The following PPARD variants were observed in gnomAD, a reference collection of about 807,000 sequenced individuals.
PPARD encodes peroxisome proliferator activated receptor delta, also known as peroxisome proliferator-activated receptor delta.
A neutral mutation model predicts 39.5 loss-of-function variants in PPARD; 6 were observed. That is an observed-to-expected ratio of 0.15 (90% CI 0.08 to 0.30). The LOEUF (loss-of-function observed/expected upper bound fraction) is 0.30. PPARD is among the 10% of genes least tolerant of loss of function. The pLI, the probability that PPARD is intolerant of heterozygous loss-of-function variation, is 1.00. For synonymous variants in PPARD, 210 were observed against 231.3 expected (o/e 0.91, Z 0.83); for missense variants, 397 against 596.8 (o/e 0.67, Z 3.49).
intron 2 of PPARD, among the ~76,000 whole-genome samples, chr6:35,361,193 G>C (rs910037912): frequency 6.6e-6 from 1 of 152,188 alleles, no homozygotes; most frequent in Non-Finnish European, 1.5e-5. Flanking sequence ...TGGCATGGGG[G>C]TGATAACTGT....
chr6:35,402,076 A>T (rs1347474168), intron 2 of PPARD, among the ~76,000 whole-genome samples: 3 of 152,076 alleles, frequency 2.0e-5, no homozygotes, highest in Non-Finnish European at 4.4e-5. Flanking sequence ...ATCTCTCAGC[A>T]TTTTATTTGG....
Position 35,380,473 on chromosome 6 carries a change from TTTG to T in PPARD, c.-101-30511_-101-30509del, listed in dbSNP as rs1290179163. ...ATTAACCTCGTGTTTTTTTTTTTTGTTTGTTTTTTTTTTTTTTTTTTTTTTTTT... is the reference window on the plus strand; with the variant it reads ...ATTAACCTCGTGTTTTTTTTTTTTGTTTTTTTTTTTTTTTTTTTTTTTTTT... On this transcript the variant is annotated intron_variant, in intron 2 of 7. Transcript: ENST00000360694. Among the ~76,000 whole-genome samples the T allele has an allele frequency of 1.4e-3, 113 of 82,758 alleles. 2 individuals are homozygous for T. Among genetic ancestry groups the T allele is most frequent in the African/African-American group, 0.013 (88 of 6,988 alleles). 54.3% of individuals were successfully genotyped at this position (82,758 alleles called of 152,430 possible).
intron 2 of PPARD, among the ~76,000 whole-genome samples, chr6:35,368,189 CTG>C (rs1762303262): frequency 6.6e-6 from 1 of 152,240 alleles, no homozygotes; most frequent in Admixed American, 6.5e-5. Context: ...TCCAAGATCA[CTG>C]TGTCTTAGGG....
intron 5 of PPARD, among the ~76,000 whole-genome samples, chr6:35,423,454 AC>A (rs1382351315): frequency 6.8e-6 from 1 of 146,356 alleles, no homozygotes; most frequent in Non-Finnish European, 1.5e-5. Context: ...AATTGCTTGA[AC>A]CCGGGAGGCA....
chr6:35,411,859 A>G (rs569638043), intron 3 of PPARD, among the ~76,000 whole-genome samples: 1 of 152,084 alleles, frequency 6.6e-6, no homozygotes, highest in African/African-American at 2.4e-5. Flanking sequence ...TCATCATGTT[A>G]TGTTTACCTT....
At chr6:35,351,054 C>G (rs1015358329) in intron 2 of PPARD, among the ~76,000 whole-genome samples, 8 of 151,730 alleles carry the variant, frequency 5.3e-5, no homozygotes, top group Non-Finnish European at 1.2e-4. Flanking sequence ...GAGACGGAGT[C>G]TCTCTCTGTC....
intron 2 of PPARD, among the ~76,000 whole-genome samples, chr6:35,374,271 T>A (rs1178502863): frequency 1.4e-5 from 2 of 144,092 alleles, no homozygotes; most frequent in Non-Finnish European, 3.0e-5. Context: ...ATGGGAAACA[T>A]GGGTTTATTG....
intron 3 of PPARD, among the ~76,000 whole-genome samples, chr6:35,415,514 T>A (rs150023069): frequency 0.013 from 2,011 of 152,324 alleles, 16 homozygotes; most frequent in Middle Eastern, 0.027. Context: ...TCAAAGATGG[T>A]GAAACTGATA....
Position 35,425,683 on chromosome 6 carries a change from C to T in PPARD, c.1079-149C>T, listed in dbSNP as rs1164377791. ...AAGACCAGGGGTAGGGAGATTAGAA[C>T]ACCCAGTGGAGCATTGCTGATGGGA... On this transcript the variant is annotated intron_variant, in intron 7 of 7. Coordinates refer to ENST00000360694, the MANE Select transcript of PPARD (RefSeq NM_006238.5). The surrounding 1 kb of genome is among the most constrained non-coding windows in gnomAD (Gnocchi z 4.5). The T allele has an allele frequency of 8.1e-7, 1 of 1,233,240 alleles. No individual in the cohort carries two copies. The highest frequency in any genetic ancestry group is 1.5e-5 in the African/African-American group (1 of 66,080). The allele number at this position is 1,233,240 out of a possible 1,614,324, so 76.4% of individuals were successfully genotyped here.
chr6:35,388,197 A>G (rs1477447001), intron 2 of PPARD, among the ~76,000 whole-genome samples: 2 of 152,096 alleles, frequency 1.3e-5, no homozygotes, highest in African/African-American at 4.8e-5. Context: ...ACAAGGAGGA[A>G]GTGAGAGGAG....
intron 2 of PPARD, among the ~76,000 whole-genome samples, chr6:35,387,716 CTTTTTTTTTTTT>C (rs61314141): frequency 1.1e-5 from 1 of 89,358 alleles, no homozygotes; most frequent in Admixed American, 1.4e-4. Flanking sequence ...ACACTGCATT[CTTTTTTTTTTTT>C]TTTTTTTTTT....
At chr6:35,348,336 A>G in intron 2 of PPARD, 1 of 985,280 alleles carries the variant, frequency 1.0e-6, no homozygotes, top group Non-Finnish European at 1.2e-6. Context: ...GCCATAACAC[A>G]CAGAATTGTT....
intron 2 of PPARD, among the ~76,000 whole-genome samples, chr6:35,355,552 TAAA>T (rs1171537260): frequency 0.044 from 2,589 of 59,356 alleles, 129 homozygotes; most frequent in African/African-American, 0.15. Flanking sequence ...GCCCTGTCTG[TAAA>T]AAAAAAAAAA....
chr6:35,383,318 T>A (rs1273271352), intron 2 of PPARD, among the ~76,000 whole-genome samples: 2 of 152,074 alleles, frequency 1.3e-5, no homozygotes, highest in Non-Finnish European at 2.9e-5. Flanking sequence ...AATGGGTAAC[T>A]TGCGCACTCA....
intron 2 of PPARD, among the ~76,000 whole-genome samples, chr6:35,351,456 G>T (rs1387421500): frequency 6.6e-6 from 1 of 152,136 alleles, no homozygotes; most frequent in Non-Finnish European, 1.5e-5. Context: ...TTAAGTATTG[G>T]GAAGCTGTCG....
intron 2 of PPARD, among the ~76,000 whole-genome samples, chr6:35,350,887 A>G (rs1348251256): frequency 6.6e-6 from 1 of 152,110 alleles, no homozygotes; most frequent in African/African-American, 2.4e-5. Flanking sequence ...TCGGTCTCCC[A>G]AAGTGCTGGG....
At chr6:35,385,356 C>T (rs2150623447) in intron 2 of PPARD, among the ~76,000 whole-genome samples, 1 of 149,166 alleles carries the variant, frequency 6.7e-6, no homozygotes, top group South Asian at 2.2e-4. Flanking sequence ...CTCTCTGAAA[C>T]ATGTGCTGTG....
At chr6:35,394,972 G>A (rs1232004695) in intron 2 of PPARD, among the ~76,000 whole-genome samples, 1 of 152,150 alleles carries the variant, frequency 6.6e-6, no homozygotes, top group African/African-American at 2.4e-5. Flanking sequence ...CACAGAGAGG[G>A]TAGCAGGTTG....
At chr6:35,415,330 T>G (rs1240579111) in intron 3 of PPARD, among the ~76,000 whole-genome samples, 3 of 152,224 alleles carry the variant, frequency 2.0e-5, no homozygotes. Flanking sequence ...TGCTGGGTGC[T>G]TGTTTGCCTG....
Sources: gnomAD v4.1 joint callset for allele counts (sites outside exome capture counted in the v4.1 genomes callset) on GRCh38, gnomAD v4.1.1 for gene constraint, Gnocchi (gnomAD v3.1) non-coding constraint, MANE v1.5 for transcripts, NCBI Gene and HGNC (gene_info 2026-07-23, HGNC 2026-07-21) for gene names.